FAM163A: variants seen among roughly 807,000 people sequenced by gnomAD.
FAM163A encodes the protein protein FAM163A.
A neutral mutation model predicts 12.0 loss-of-function variants in FAM163A; 7 were observed. The observed-to-expected ratio is 0.58, with a 90% CI of 0.33 to 1.10. FAM163A has a LOEUF of 1.10. FAM163A is among the 50% of genes least tolerant of loss of function. FAM163A has a pLI of 0.03. For synonymous variants in FAM163A, 101 were observed against 91.0 expected (o/e 1.11, Z -0.62); for missense variants, 202 against 218.6 (o/e 0.92, Z 0.48).
intron 2 of FAM163A, among the ~76,000 whole-genome samples, chr1:179,811,561 A>G (rs1216728035): frequency 2.6e-5 from 4 of 152,170 alleles, no homozygotes; most frequent in Non-Finnish European, 5.9e-5. Flanking sequence ...CTCCCAGGTG[A>G]TGCCCACGCT....
chr1:179,781,105 C>T (rs553951153), intron 1 of FAM163A, among the ~76,000 whole-genome samples: 64 of 152,122 alleles, frequency 4.2e-4, no homozygotes, highest in African/African-American at 1.3e-3. Context: ...GGGGCTTAAC[C>T]GAGAGTGAAA....
At chr1:179,813,706 T>C (rs1695007270) in intron 4 of FAM163A, 73 bp from the exon 5 acceptor site, 1 of 1,553,564 alleles carries the variant, frequency 6.4e-7, no homozygotes, top group Non-Finnish European at 8.8e-7. Context: ...CAGGGGCACC[T>C]GTGCACGCTC....
At chr1:179,808,778 C>T (rs552009092) in intron 2 of FAM163A, among the ~76,000 whole-genome samples, 2 of 152,238 alleles carry the variant, frequency 1.3e-5, no homozygotes, top group Admixed American at 1.3e-4. Context: ...CATCTCAGAG[C>T]CTGCCTGCCA....
chr1:179,791,056 C>A (rs1218152421), intron 1 of FAM163A, among the ~76,000 whole-genome samples: 1 of 152,186 alleles, frequency 6.6e-6, no homozygotes, highest in Non-Finnish European at 1.5e-5. Context: ...TCCAGCAAAG[C>A]TCCCCTGAAG....
intron 1 of FAM163A, among the ~76,000 whole-genome samples, chr1:179,755,301 G>T (rs1204585014): frequency 6.6e-6 from 1 of 152,136 alleles, no homozygotes; most frequent in Non-Finnish European, 1.5e-5. Context: ...AGACTGTGAG[G>T]GTGGTCCAGG....
intron 1 of FAM163A, among the ~76,000 whole-genome samples, chr1:179,761,953 G>T (rs1432604336): frequency 6.6e-6 from 1 of 152,104 alleles, no homozygotes; most frequent in Non-Finnish European, 1.5e-5. Flanking sequence ...AGAAGGAATT[G>T]CTGGTGAATC....
chr1:179,729,421 C>CA, the FAM163A span, among the ~76,000 whole-genome samples: 3 of 152,150 alleles, frequency 2.0e-5, no homozygotes, highest in African/African-American at 7.2e-5. Context: ...AAGGGATACT[C>CA]AGGTGAAACA....
chr1:179,769,461 T>TA (rs1377151419), intron 1 of FAM163A, among the ~76,000 whole-genome samples: 1 of 152,150 alleles, frequency 6.6e-6, no homozygotes, highest in African/African-American at 2.4e-5. Flanking sequence ...GTTTGAATCT[T>TA]AAAAAACTCT....
At chr1:179,805,323 G>A (rs1693779696) in intron 1 of FAM163A, among the ~76,000 whole-genome samples, 1 of 152,146 alleles carries the variant, frequency 6.6e-6, no homozygotes. Context: ...TTTGAGACCA[G>A]CCTGGACAAC....
chr1:179,787,780 T>C (rs1165527814), intron 1 of FAM163A, among the ~76,000 whole-genome samples: 1 of 152,164 alleles, frequency 6.6e-6, no homozygotes, highest in African/African-American at 2.4e-5. Context: ...AAGAACCCAC[T>C]GCAGGGCCGA....
At chr1:179,767,255 C>A (rs1687634857) in intron 1 of FAM163A, among the ~76,000 whole-genome samples, 1 of 152,124 alleles carries the variant, frequency 6.6e-6, no homozygotes, top group South Asian at 2.1e-4. Context: ...ATGTTCGAGT[C>A]CAATCCTGCT....
chr1:179,796,132 T>TACACACACACAC (rs35899165), intron 1 of FAM163A, among the ~76,000 whole-genome samples: 86 of 145,448 alleles, frequency 5.9e-4, no homozygotes, highest in African/African-American at 2.2e-3. Flanking sequence ...CATTCAATAA[T>TACACACACACAC]ACACACACAC....
intron 1 of FAM163A, among the ~76,000 whole-genome samples, chr1:179,795,146 G>A (rs1165636304): frequency 6.6e-6 from 1 of 152,212 alleles, no homozygotes; most frequent in African/African-American, 2.4e-5. Context: ...GATTCCTAAA[G>A]AGGATAAAAA....
chr1:179,799,901 A>G (rs1185626770), intron 1 of FAM163A, among the ~76,000 whole-genome samples: 1 of 152,246 alleles, frequency 6.6e-6, no homozygotes, highest in Non-Finnish European at 1.5e-5. Flanking sequence ...TGAGGTTCTC[A>G]GGAAGAGAGG....
intron 1 of FAM163A, among the ~76,000 whole-genome samples, chr1:179,752,944 G>A (rs934352333): frequency 6.6e-6 from 1 of 151,866 alleles, no homozygotes; most frequent in Non-Finnish European, 1.5e-5. Flanking sequence ...CTCACTACTG[G>A]GTATTTATCC....
chr1:179,756,353 CACTT>C (rs976270326), intron 1 of FAM163A, among the ~76,000 whole-genome samples: 11 of 152,072 alleles, frequency 7.2e-5, no homozygotes, highest in Non-Finnish European at 1.0e-4. Context: ...GTTCTAGAAA[CACTT>C]AAGAGAGAAA....
intron 1 of FAM163A, among the ~76,000 whole-genome samples, chr1:179,780,469 G>A (rs1339977096): frequency 6.6e-6 from 1 of 152,184 alleles, no homozygotes; most frequent in East Asian, 1.9e-4. Context: ...AAAGCCAAAC[G>A]CATAAGCTCG....
At chr1:179,741,173 CAT>C (rs1331054097), upstream of FAM163A, among the ~76,000 whole-genome samples, 1 of 152,164 alleles carries the variant, frequency 6.6e-6, no homozygotes, top group Non-Finnish European at 1.5e-5. Context: ...AGCCTATAAA[CAT>C]ATGTAGAAGT....
Position 179,782,645 on chromosome 1 carries a change from A to T in FAM163A, c.-135-25153A>T, listed in dbSNP as rs367845266. ...TGCTGCCATCTCCTTCCCTTTCTAG[A>T]ACCCAAAGTTCTAAGCCACCCTGCC... On this transcript the variant is annotated intron_variant, in intron 1 of 4. Coordinates refer to ENST00000341785, the MANE Select transcript of FAM163A (RefSeq NM_173509.3). Among the ~76,000 whole-genome samples, 36 of 152,294 alleles carry T rather than the reference A, an allele frequency of 2.4e-4. No individual in the cohort carries two copies. In the South Asian group the frequency reaches 6.0e-3, roughly 25 times the overall value.
Sources: allele counts gnomAD v4.1 joint callset (sites outside exome capture counted in the v4.1 genomes callset), GRCh38; gene constraint gnomAD v4.1.1; transcripts MANE v1.5; gene names NCBI Gene and HGNC (gene_info 2026-07-23, HGNC 2026-07-21).